The following HSD17B12 variants were observed in gnomAD, a reference collection of about 807,000 sequenced individuals.
HSD17B12 encodes the protein hydroxysteroid 17-beta dehydrogenase 12, also known as very-long-chain 3-oxoacyl-CoA reductase.
Under a neutral mutation model 39.3 loss-of-function variants are expected in HSD17B12, and 32 were observed. The observed-to-expected ratio is 0.81, with a 90% CI of 0.61 to 1.09. The LOEUF is 1.09. HSD17B12 is among the 50% of genes least tolerant of loss of function. The pLI, the probability that HSD17B12 is intolerant of heterozygous loss-of-function variation, is 0.00. For synonymous variants in HSD17B12, 150 were observed against 146.7 expected, an observed-to-expected ratio of 1.02 and a Z score of -0.16; for missense variants, 342 against 382.9, an observed-to-expected ratio of 0.89 and a Z score of 0.89.
intron 1 of HSD17B12, among the ~76,000 whole-genome samples, chr11:43,739,087 G>A (rs1196817666): frequency 2.6e-4 from 40 of 152,164 alleles, no homozygotes; most frequent in Non-Finnish European, 2.9e-5. Context: ...GTTACAACGA[G>A]CAGTTTCAGC....
At chr11:43,762,415 C>G (rs1246546290) in intron 3 of HSD17B12, among the ~76,000 whole-genome samples, 1 of 152,178 alleles carries the variant, frequency 6.6e-6, no homozygotes, top group Non-Finnish European at 1.5e-5. Context: ...TGAGTTGATT[C>G]TCTGCAGCAT....
the HSD17B12 span, among the ~76,000 whole-genome samples, chr11:43,616,042 G>A: frequency 6.6e-6 from 1 of 152,078 alleles, no homozygotes; most frequent in African/African-American, 2.4e-5. Flanking sequence ...AGAGAAGGGG[G>A]AAAAGAGATA....
the HSD17B12 span, among the ~76,000 whole-genome samples, chr11:43,605,279 C>T: frequency 4.6e-5 from 7 of 151,908 alleles, no homozygotes; most frequent in African/African-American, 1.2e-4. Flanking sequence ...GTTCTGGAAT[C>T]GGCCGGGCGC....
intron 4 of HSD17B12, among the ~76,000 whole-genome samples, chr11:43,814,396 A>G (rs970114654): frequency 6.6e-6 from 1 of 152,032 alleles, no homozygotes; most frequent in Non-Finnish European, 1.5e-5. Flanking sequence ...GTAGATAGGC[A>G]GATAGATAGA....
At chr11:43,580,654 CCT>C in the HSD17B12 span, among the ~76,000 whole-genome samples, 1,123 of 152,128 alleles carry the variant, frequency 7.4e-3, 16 homozygotes, top group African/African-American at 0.026. Flanking sequence ...CTCTCTTAAA[CCT>C]CTCTTTCCCA....
intron 1 of HSD17B12, among the ~76,000 whole-genome samples, chr11:43,737,654 G>A (rs188681404): frequency 6.7e-4 from 102 of 152,238 alleles, no homozygotes; most frequent in Non-Finnish European, 1.1e-3. Context: ...AGGGTTCTGG[G>A]TGATACCATA....
chr11:43,581,648 C>T, the HSD17B12 span, among the ~76,000 whole-genome samples: 2 of 152,168 alleles, frequency 1.3e-5, no homozygotes, highest in Admixed American at 6.5e-5. The surrounding 1 kb of genome is among the most constrained non-coding windows in gnomAD (Gnocchi z 4.9). Context: ...CCTGTCTTCC[C>T]TCCGAGCGAG....
chr11:43,745,075 G>A (rs968878374), intron 1 of HSD17B12, among the ~76,000 whole-genome samples: 13 of 152,194 alleles, frequency 8.5e-5, no homozygotes, highest in Non-Finnish European at 1.6e-4. Context: ...TTGCCGGAAG[G>A]GAGGATCTGG....
At chr11:43,636,806 T>C in the HSD17B12 span, among the ~76,000 whole-genome samples, 1 of 152,346 alleles carries the variant, frequency 6.6e-6, no homozygotes, top group South Asian at 2.1e-4. Flanking sequence ...GCTTTGAAGA[T>C]ATTCGTAATA....
chr11:43,653,932 A>G, the HSD17B12 span, among the ~76,000 whole-genome samples: 1 of 152,202 alleles, frequency 6.6e-6, no homozygotes, highest in Non-Finnish European at 1.5e-5. Flanking sequence ...GTTGGGTCAA[A>G]TGGTATTTCT....
intron 3 of HSD17B12, among the ~76,000 whole-genome samples, chr11:43,785,102 T>A (rs1787900301): frequency 6.6e-6 from 1 of 152,208 alleles, no homozygotes; most frequent in Admixed American, 6.5e-5. Context: ...CAGGGTTTTT[T>A]TTTTTGCTAA....
intron 5 of HSD17B12, among the ~76,000 whole-genome samples, 175 bp from the exon 6 acceptor site, chr11:43,816,172 T>C (rs1436993836): frequency 1.3e-5 from 2 of 152,122 alleles, no homozygotes; most frequent in Non-Finnish European, 2.9e-5. Context: ...GTTAGGAAAA[T>C]ATAACACGGA....
At chr11:43,798,294 C>T in intron 3 of HSD17B12, 26 bp from the exon 4 acceptor site, 1 of 1,392,482 alleles carries the variant, frequency 7.2e-7, no homozygotes, top group Non-Finnish European at 1.0e-6. Context: ...CCTGTCTCTC[C>T]CCGTTTGTGT....
the HSD17B12 span, among the ~76,000 whole-genome samples, chr11:43,600,544 A>G: frequency 6.6e-5 from 10 of 152,140 alleles, no homozygotes; most frequent in African/African-American, 2.2e-4. Flanking sequence ...TTTCTGACTA[A>G]GTCTGAAAAG....
the HSD17B12 span, among the ~76,000 whole-genome samples, chr11:43,606,580 G>T: frequency 1.3e-5 from 2 of 152,198 alleles, no homozygotes; most frequent in Admixed American, 1.3e-4. Flanking sequence ...CAAAGAGCTT[G>T]ACACTTGAGG....
chr11:43,711,115 A>G (rs187805747), intron 1 of HSD17B12, among the ~76,000 whole-genome samples: 2 of 152,314 alleles, frequency 1.3e-5, no homozygotes, highest in Admixed American at 1.3e-4. Context: ...TTTTTAAAGT[A>G]GGTAAATAAT....
intron 4 of HSD17B12, among the ~76,000 whole-genome samples, chr11:43,800,996 G>A (rs1456688063): frequency 6.6e-6 from 1 of 151,964 alleles, no homozygotes; most frequent in South Asian, 2.1e-4. Context: ...AAAATTAGCT[G>A]GGCAGGGTGG....
chr11:43,679,379 T>C (rs895966757), upstream of HSD17B12, among the ~76,000 whole-genome samples: 1 of 152,190 alleles, frequency 6.6e-6, no homozygotes, highest in Non-Finnish European at 1.5e-5. Flanking sequence ...ATAAAGAGTA[T>C]TCAGTTAGGA....
chr11:43,768,694 T>G (rs572183267), intron 3 of HSD17B12, among the ~76,000 whole-genome samples: 1 of 151,960 alleles, frequency 6.6e-6, no homozygotes, highest in Non-Finnish European at 1.5e-5. Context: ...ACCCAAAGAG[T>G]GAGCAGCAGC....
Sources: allele counts gnomAD v4.1 joint callset (sites outside exome capture counted in the v4.1 genomes callset), GRCh38; gene constraint gnomAD v4.1.1; non-coding constraint Gnocchi (gnomAD v3.1); transcripts MANE v1.5; gene names NCBI Gene and HGNC (gene_info 2026-07-23, HGNC 2026-07-21).